Variants in CSMD1 observed in about 807,000 individuals in gnomAD.
CSMD1 encodes the protein CUB and sushi domain-containing protein 1.
CSMD1 carries 213 observed loss-of-function variants against 417.5 expected under a neutral mutation model. That is an observed-to-expected ratio of 0.51 (90% CI 0.46 to 0.57). CSMD1 has a LOEUF of 0.57. CSMD1 is among the 20% of genes least tolerant of loss of function. The probability of loss-of-function intolerance (pLI) is 0.00; values close to 1 mark genes in which losing one functional copy is unlikely to be tolerated. For synonymous variants in CSMD1, 2,862 were observed against 1,736.8 expected, an observed-to-expected ratio of 1.65 and a Z score of -16.11; for missense variants, 6,923 against 4,529.7, an observed-to-expected ratio of 1.53 and a Z score of -15.17.
chr8:4,660,887 G>A (rs1035339301), intron 1 of CSMD1, among the ~76,000 whole-genome samples: 1 of 152,090 alleles, frequency 6.6e-6, no homozygotes, highest in Non-Finnish European at 1.5e-5. Flanking sequence ...TTAGCTATTA[G>A]GGAAATGCAA....
In CSMD1 at chr8:4,985,334, A is replaced by G. The variant is rs545842043; in HGVS notation, c.85+8998T>C. On this transcript the variant is annotated intron_variant, in intron 1 of 69. Transcript: ENST00000635120. ...ATGACACACATTTACCTATGTAACA[A>G]AACTTCATATCCTGCACATCTGCCC... Among the ~76,000 whole-genome samples the G allele has an allele frequency of 3.5e-4, 53 of 150,876 alleles. 1 individual carries two copies. The South Asian group carries it at 0.01, about 29-fold the overall frequency.
At chr8:3,138,012 G>C (rs953743577) in intron 41 of CSMD1, among the ~76,000 whole-genome samples, 1 of 152,196 alleles carries the variant, frequency 6.6e-6, no homozygotes, top group African/African-American at 2.4e-5. Context: ...ATGACCTGAG[G>C]TCAGGAGTTC....
chr8:3,094,354 C>T lies in CSMD1; in HGVS notation c.7138+2495G>A, dbSNP rs531799773. Among the ~76,000 whole-genome samples, 14 of 152,270 alleles carry T rather than the reference C, an allele frequency of 9.2e-5. No homozygotes were observed. In the South Asian group the frequency reaches 2.5e-3, roughly 27 times the overall value. The stretch of plus-strand genomic sequence containing the variant: ...TCCTGACCTCAGGTGATCCATTCAC[C>T]TCGGTCTCCTAAAGTGCTGGGATTA... On this transcript the variant is annotated intron_variant, in intron 47 of 69. Transcript: ENST00000635120.
At chr8:3,018,937 G>A (rs1809113948) in intron 51 of CSMD1, among the ~76,000 whole-genome samples, 1 of 151,918 alleles carries the variant, frequency 6.6e-6, no homozygotes, top group Non-Finnish European at 1.5e-5. Flanking sequence ...GTTGTTGTTG[G>A]CATGGAGTCT....
intron 3 of CSMD1, among the ~76,000 whole-genome samples, chr8:4,283,561 T>C (rs557942006): frequency 1.3e-5 from 2 of 152,346 alleles, no homozygotes; most frequent in East Asian, 1.9e-4. Context: ...ATATGTCGTA[T>C]AGTTAAAAGT....
intron 28 of CSMD1, among the ~76,000 whole-genome samples, chr8:3,222,577 G>C (rs1265237367): frequency 6.6e-6 from 1 of 152,114 alleles, no homozygotes; most frequent in East Asian, 1.9e-4. Flanking sequence ...CTGAAATGCT[G>C]GGATTACAGT....
chr8:4,783,807 G>C (rs78495764), intron 1 of CSMD1, among the ~76,000 whole-genome samples: 2 of 152,144 alleles, frequency 1.3e-5, no homozygotes, highest in Non-Finnish European at 2.9e-5. Context: ...TTGACACAAG[G>C]CATCAACCAG....
chr8:3,998,321 T>C (rs568449571), intron 4 of CSMD1, among the ~76,000 whole-genome samples: 1 of 152,342 alleles, frequency 6.6e-6, no homozygotes, highest in African/African-American at 2.4e-5. Flanking sequence ...ATTAATTGAA[T>C]GGCCATTGCG....
intron 3 of CSMD1, among the ~76,000 whole-genome samples, chr8:4,314,537 A>C (rs972507144): frequency 6.6e-6 from 1 of 152,174 alleles, no homozygotes; most frequent in Non-Finnish European, 1.5e-5. Context: ...CTCCCGAAAT[A>C]CTAAAGATGA....
At chr8:4,351,461 G>C (rs895028258) in intron 3 of CSMD1, among the ~76,000 whole-genome samples, 1 of 152,200 alleles carries the variant, frequency 6.6e-6, no homozygotes, top group African/African-American at 2.4e-5. Flanking sequence ...AAAAAGCAGA[G>C]TTCCATAGCT....
At chr8:4,178,805 C>G (rs1798196359) in intron 3 of CSMD1, among the ~76,000 whole-genome samples, 1 of 152,140 alleles carries the variant, frequency 6.6e-6, no homozygotes, top group African/African-American at 2.4e-5. Flanking sequence ...ACAGCCAAAT[C>G]AGGAGTGAAC....
chr8:4,332,451 CAG>C (rs931494977), intron 3 of CSMD1, among the ~76,000 whole-genome samples: 4 of 151,898 alleles, frequency 2.6e-5, no homozygotes, highest in African/African-American at 7.3e-5. Context: ...TAGGTAAAAA[CAG>C]TGTGTACTGT....
chr8:3,282,549 A>AG (rs869148061), intron 26 of CSMD1, among the ~76,000 whole-genome samples: 1 of 10,208 alleles, frequency 9.8e-5, no homozygotes, highest in African/African-American at 1.9e-4. Flanking sequence ...ATATCACAAC[A>AG]AAAAACAAGA....
chr8:4,554,499 T>G (rs189996422), intron 2 of CSMD1, among the ~76,000 whole-genome samples: 105 of 152,280 alleles, frequency 6.9e-4, no homozygotes, highest in African/African-American at 2.5e-3. Flanking sequence ...GGAACAAATT[T>G]CCTGTTTAAT....
intron 5 of CSMD1, among the ~76,000 whole-genome samples, chr8:3,935,777 A>G (rs975966318): frequency 1.3e-5 from 2 of 152,132 alleles, no homozygotes; most frequent in East Asian, 1.9e-4. Context: ...AATTAGGCCA[A>G]TTAATAAGCC....
chr8:4,581,553 G>C (rs577561619), intron 2 of CSMD1, among the ~76,000 whole-genome samples: 1 of 152,276 alleles, frequency 6.6e-6, no homozygotes, highest in South Asian at 2.1e-4. Flanking sequence ...ATTTTAGCCA[G>C]CATTGTAAAA....
intron 5 of CSMD1, among the ~76,000 whole-genome samples, chr8:3,845,602 C>A (rs541188126): frequency 2.0e-5 from 3 of 152,018 alleles, no homozygotes; most frequent in Non-Finnish European, 4.4e-5. Flanking sequence ...TACACTACTG[C>A]GGGATCTATA....
At chr8:3,534,101 T>C (rs767707563) in intron 10 of CSMD1, among the ~76,000 whole-genome samples, 5 of 152,224 alleles carry the variant, frequency 3.3e-5, no homozygotes, top group African/African-American at 4.8e-5. Context: ...TCTGAGGCTA[T>C]GAGAGCCCAT....
chr8:4,652,681 A>T (rs1803975548), intron 1 of CSMD1, among the ~76,000 whole-genome samples: 1 of 152,108 alleles, frequency 6.6e-6, no homozygotes, highest in South Asian at 2.1e-4. Context: ...GATTCGCCAC[A>T]GCTTCAGCCA....
Sources: gnomAD v4.1 joint callset for allele counts (sites outside exome capture counted in the v4.1 genomes callset) on GRCh38, gnomAD v4.1.1 for gene constraint, MANE v1.5 for transcripts, NCBI Gene and HGNC (gene_info 2026-07-23, HGNC 2026-07-21) for gene names.